VPS29: variants seen among roughly 807,000 people sequenced by gnomAD.
VPS29 encodes the protein VPS29 retromer complex component, also known as vacuolar protein sorting-associated protein 29.
A neutral mutation model predicts 20.0 loss-of-function variants in VPS29; 2 were observed. The observed-to-expected ratio is 0.10, with a 90% CI of 0.04 to 0.31. The LOEUF is 0.31. Among genes scored for constraint, VPS29 ranks in the 10% least tolerant of loss-of-function variants. The pLI, the probability that VPS29 is intolerant of heterozygous loss-of-function variation, is 1.00. For missense variants in VPS29, 120 were observed against 215.3 expected (o/e 0.56, Z 2.77); for synonymous variants, 81 against 79.3 (o/e 1.02, Z -0.12).
Position 110,493,014 on chromosome 12 carries a change from G to A in VPS29, c.413C>T (p.Ala138Val). ...TACTCACGTTTCCAAGGCATTATAT[G>A]CCCCAGTGGCAGAACCTGGATTAAT... ...FYINPGSATG[A>V]YNALETNIIP... Residue 138 changes from alanine (A) to valine (V), a missense_variant, in exon 3 of 4, where the codon GCA becomes GTA. By Grantham distance (64) the Ala-to-Val change is moderately conservative. Coordinates refer to ENST00000549578, the MANE Select transcript of VPS29 (RefSeq NM_016226.5). 1 of 1,612,412 alleles carries A rather than the reference G, an allele frequency of 6.2e-7. No homozygotes were observed.
chr12:110,499,851 C>T (rs2062971552), intron 1 of VPS29, among the ~76,000 whole-genome samples: 1 of 152,110 alleles, frequency 6.6e-6, no homozygotes, highest in Admixed American at 6.5e-5. Context: ...TTCTGTACAT[C>T]GACTTCCATC....
At chr12:110,493,445 C>T (rs556936720) in intron 2 of VPS29, among the ~76,000 whole-genome samples, 57 of 151,684 alleles carry the variant, frequency 3.8e-4, no homozygotes, top group African/African-American at 1.3e-3. Context: ...CTGTAACCTC[C>T]GCCTGCCAGG....
chr12:110,501,956 C>A (rs772462236), intron 1 of VPS29, 93 bp downstream of exon 1: 2 of 1,610,386 alleles, frequency 1.2e-6, no homozygotes, highest in Non-Finnish European at 1.7e-6. Context: ...TCCGGGATTT[C>A]CCAATTCCTC....
intron 2 of VPS29, among the ~76,000 whole-genome samples, chr12:110,495,342 GAA>G (rs1394696316): frequency 6.6e-6 from 1 of 152,160 alleles, no homozygotes; most frequent in Non-Finnish European, 1.5e-5. Context: ...TAGGAAGTTG[GAA>G]TACAAGAAAA....
chr12:110,493,644 G>A (rs1468680673), intron 2 of VPS29, among the ~76,000 whole-genome samples: 3 of 152,106 alleles, frequency 2.0e-5, no homozygotes, highest in Non-Finnish European at 2.9e-5. Context: ...TTACAGGCCT[G>A]AGCCACTGTG....
At chr12:110,494,008 C>G (rs138647040) in intron 2 of VPS29, among the ~76,000 whole-genome samples, 58 of 152,080 alleles carry the variant, frequency 3.8e-4, no homozygotes, top group Non-Finnish European at 7.6e-4. Flanking sequence ...TTAATACAAA[C>G]AATCCTAGAA....
chr12:110,500,954 T>G (rs921662254), intron 1 of VPS29, among the ~76,000 whole-genome samples: 5 of 151,400 alleles, frequency 3.3e-5, no homozygotes, highest in African/African-American at 9.7e-5. Context: ...CCGAGGCGGG[T>G]GGATCATCTG....
At chr12:110,501,644 C>T (rs1472108111) in intron 1 of VPS29, 2 of 1,531,534 alleles carry the variant, frequency 1.3e-6, no homozygotes, top group East Asian at 2.4e-5. Context: ...CCACTACACC[C>T]CAACCAGCGG....
intron 1 of VPS29, among the ~76,000 whole-genome samples, chr12:110,498,459 C>T (rs1041267204): frequency 2.0e-5 from 3 of 152,178 alleles, no homozygotes; most frequent in Non-Finnish European, 4.4e-5. Context: ...AGTTTTGCCA[C>T]TGCAGACTTT....
chr12:110,491,240 G>A lies in VPS29; in HGVS notation c.*765C>T, dbSNP rs2062814921. 6.6e-6 allele frequency: 1 copy of A among 151,868 alleles called. No homozygotes were observed. The highest frequency in any genetic ancestry group is 1.5e-5 in the Non-Finnish European group (1 of 67,988). The allele number at this position is 151,868 out of a possible 1,614,324, so 9.4% of individuals were successfully genotyped here. A position where few individuals can be genotyped will look rare whatever the true frequency, so the allele number is the denominator to read the frequency against. ...GAATACAGGCATGTAGCACCATGCT[G>A]GCTAATTTTGTATTTTTAGTACAGA... On this transcript the variant is annotated 3_prime_UTR_variant, in exon 4 of 4. Coordinates refer to ENST00000549578, the MANE Select transcript of VPS29 (RefSeq NM_016226.5).
intron 1 of VPS29, chr12:110,499,399 A>C (rs948350926): frequency 7.8e-7 from 1 of 1,279,882 alleles, no homozygotes; most frequent in Admixed American, 2.9e-5. Flanking sequence ...TTATTAAATT[A>C]AAATAAAGAG....
At chr12:110,492,232 T>C in intron 3 of VPS29, 110 bp from the exon 4 acceptor site, 2 of 856,188 alleles carry the variant, frequency 2.3e-6, no homozygotes, top group Non-Finnish European at 3.7e-6. Flanking sequence ...ACATATCACA[T>C]GAACAGTTAC....
At chr12:110,500,587 G>GT (rs2062994859) in intron 1 of VPS29, among the ~76,000 whole-genome samples, 2 of 152,048 alleles carry the variant, frequency 1.3e-5, no homozygotes, top group Admixed American at 6.5e-5. Context: ...TGAAAAGGCT[G>GT]TTTGTCATGC....
chr12:110,493,700 G>A (rs2062854918), intron 2 of VPS29, among the ~76,000 whole-genome samples: 1 of 152,030 alleles, frequency 6.6e-6, no homozygotes, highest in Non-Finnish European at 1.5e-5. Context: ...GGTCTCCAAG[G>A]CTGCATCTAT....
Position 110,492,098 on chromosome 12 carries a change from C to T in VPS29, c.456G>A (p.Leu152=), listed in dbSNP as rs1247102796. 3 of 1,612,830 alleles carry T rather than the reference C, an allele frequency of 1.9e-6. No individual in the cohort carries two copies. Among genetic ancestry groups the T allele is most frequent in the Non-Finnish European group, 2.5e-6 (3 of 1,179,454 alleles). ...CCACTGTAGAAGCCTGGATATCCATCAACACAAATGATGGAATAATGTTTC... is the reference window on the plus strand; with the variant it reads ...CCACTGTAGAAGCCTGGATATCCATTAACACAAATGATGGAATAATGTTTC... ...LETNIIPSFV[L]MDIQASTVVT... Residue 152 remains leucine, a synonymous_variant, in exon 4 of 4, where the codon TTG becomes TTA. Transcript: ENST00000549578.
chr12:110,494,215 G>A (rs2135572513), intron 2 of VPS29, among the ~76,000 whole-genome samples: 1 of 150,906 alleles, frequency 6.6e-6, no homozygotes, highest in South Asian at 2.1e-4. Flanking sequence ...ATTAATTGAT[G>A]AAAATCTTAT....
rs373227607 is a variant in VPS29, at chr12:110,502,103, A to G, written c.-52T>C. ...CACCACCGTCGCCGCCCTCTTCCTC[A>G]GGCTCCTCGGCGACCCGCCCACTTA... On this transcript the variant is annotated 5_prime_UTR_variant, in exon 1 of 4. Coordinates refer to ENST00000549578, the MANE Select transcript of VPS29 (RefSeq NM_016226.5). 2 of 1,593,664 alleles carry G rather than the reference A, an allele frequency of 1.3e-6. No homozygotes were observed.
chr12:110,499,679 G>T, intron 1 of VPS29: 1 of 647,960 alleles, frequency 1.5e-6, no homozygotes, highest in South Asian at 1.9e-5. Context: ...TACCAAATGA[G>T]CAAACAATTG....
chr12:110,501,602 T>C, intron 1 of VPS29: 1 of 1,535,016 alleles, frequency 6.5e-7, no homozygotes, highest in Non-Finnish European at 8.7e-7. Flanking sequence ...TGCTCGCTAC[T>C]TCCTGTTCTG....
Sources: allele counts gnomAD v4.1 joint callset (sites outside exome capture counted in the v4.1 genomes callset), GRCh38; gene constraint gnomAD v4.1.1; transcripts MANE v1.5; gene names NCBI Gene and HGNC (gene_info 2026-07-23, HGNC 2026-07-21).